WDR73: variants seen among roughly 807,000 people sequenced by gnomAD.
The protein encoded by WDR73 is integrator complex assembly factor WDR73.
In WDR73, 30 loss-of-function variants were observed where a neutral mutation model predicts 38.2. The observed-to-expected ratio is 0.79, with a 90% CI of 0.59 to 1.06. The LOEUF (loss-of-function observed/expected upper bound fraction) is 1.06, where lower values mean the gene tolerates loss of function less well. WDR73 is among the 50% of genes least tolerant of loss of function. WDR73 has a pLI of 0.00. For synonymous variants in WDR73, 197 were observed against 176.0 expected (o/e 1.12, Z -0.94); for missense variants, 487 against 467.0 (o/e 1.04, Z -0.40).
In WDR73 at chr15:84,643,301, T is replaced by C. The variant is rs1378983022; in HGVS notation, c.*169A>G. On this transcript the variant is annotated 3_prime_UTR_variant, in exon 8 of 8. Coordinates refer to ENST00000434634, the MANE Select transcript of WDR73 (RefSeq NM_032856.5). ...AATATCACTACGAGGTAGTTCTTAC[T>C]ATCCTCATTTTACAGATAAGGAAAC... The C allele has an allele frequency of 5.3e-6, 4 of 749,444 alleles. No homozygotes were observed. Among genetic ancestry groups the C allele is most frequent in the East Asian group, 2.7e-5 (1 of 37,032 alleles). The allele number at this position is 749,444 out of a possible 1,614,324, so 46.4% of individuals were successfully genotyped here. A position where few individuals can be genotyped will look rare whatever the true frequency, so the allele number is the denominator to read the frequency against.
At chr15:84,653,321 C>A in intron 2 of WDR73, 1 of 312,900 alleles carries the variant, frequency 3.2e-6, no homozygotes, top group Non-Finnish European at 6.3e-6. Flanking sequence ...AGGTGTGCAC[C>A]ACCTCGTCCG....
rs778513670 is a variant in WDR73, at chr15:84,652,707, A to G, written c.198+7T>C. On this transcript the variant is annotated splice_region_variant and intron_variant, in intron 3 of 7. Transcript: ENST00000434634. ...TTGACATACTCAGCATTTATATTTT[A>G]AGTTACCTTGTTTTCCTTTACAGAA... is the stretch of plus-strand genomic sequence containing the variant. 2 of 1,450,278 alleles carry G rather than the reference A, an allele frequency of 1.4e-6. No homozygotes were observed. Among genetic ancestry groups the G allele is most frequent in the Admixed American group, 5.1e-5 (2 of 39,496 alleles). The allele number at this position is 1,450,278 out of a possible 1,614,324, so 89.8% of individuals were successfully genotyped here.
At chr15:84,644,073 C>T (rs896402363) in intron 7 of WDR73, 4 of 228,726 alleles carry the variant, frequency 1.7e-5, no homozygotes, top group African/African-American at 7.0e-5. Flanking sequence ...ACCTGTTATG[C>T]GTGAGGCTCG....
At position 84,647,698 on chromosome 15, in the gene WDR73, T is replaced by C. The variant is rs930628823; in HGVS notation, c.352+192A>G. 1.5e-5 allele frequency: 9 copies of C among 605,692 alleles called. No homozygotes were observed. The Admixed American group carries it at 2.3e-4, about 15-fold the overall frequency. The allele number at this position is 605,692 out of a possible 1,614,324, so 37.5% of individuals were successfully genotyped here. On this transcript the variant is annotated intron_variant, in intron 5 of 7. Transcript: ENST00000434634. ...TTTTTAATAGAGACAGGTTTCACCATGTTGTACAAGGTGGTCTTCAACTCC... is the reference window on the plus strand; with the variant it reads ...TTTTTAATAGAGACAGGTTTCACCACGTTGTACAAGGTGGTCTTCAACTCC...
rs369654537 is a variant in WDR73, at chr15:84,645,714, T to C, written c.640A>G (p.Asn214Asp). The change falls in exon 7 of 8, where the codon AAT becomes GAT. Residue 214 changes from asparagine to aspartate, a missense_variant. Coordinates refer to ENST00000434634, the MANE Select transcript of WDR73 (RefSeq NM_032856.5). ...DTRQKWAPLENRSPGPGSGGE... is the reference protein window; with the variant it reads ...DTRQKWAPLEDRSPGPGSGGE... The stretch of plus-strand genomic sequence containing the variant: ...CCAGACCCAGGGCCAGGGCTGCGAT[T>C]CTCCAACGGTGCCCACTTCTGCCGG... The C allele has an allele frequency of 3.5e-5, 57 of 1,609,830 alleles. No individual in the cohort carries two copies. The highest frequency in any genetic ancestry group is 4.6e-5 in the Non-Finnish European group (54 of 1,178,272).
chr15:84,653,422 G>C (rs895292515), intron 2 of WDR73: 2 of 460,784 alleles, frequency 4.3e-6, no homozygotes, highest in East Asian at 8.1e-5. Context: ...CGCCTGCCTC[G>C]GCCTCCCAAA....
Position 84,645,636 on chromosome 15 carries a change from T to C in WDR73, c.718A>G (p.Ser240Gly), listed in dbSNP as rs773848421. The C allele has an allele frequency of 2.5e-6, 4 of 1,608,692 alleles. No individual in the cohort carries two copies. Among genetic ancestry groups the C allele is most frequent in the Non-Finnish European group, 3.4e-6 (4 of 1,177,754 alleles). Reference sequence around the variant, plus strand: ...CCATCTGAGCCAAGGCTGGCAATGCTGGGCCCAGGGCCCTGGCCCCAGCTC... The same window carrying C: ...CCATCTGAGCCAAGGCTGGCAATGCCGGGCCCAGGGCCCTGGCCCCAGCTC... ...VGSWGQGPGP[S>G]IASLGSDGRL... Residue 240 changes from serine (S) to glycine (G), a missense_variant, in exon 7 of 8, where the codon AGC becomes GGC. Ser to Gly is a moderately conservative substitution (Grantham distance 56, BLOSUM62 0). Coordinates refer to ENST00000434634, the MANE Select transcript of WDR73 (RefSeq NM_032856.5).
chr15:84,653,684 A>T lies in WDR73; in HGVS notation c.57T>A (p.Tyr19Ter). The T allele has an allele frequency of 1.3e-6, 2 of 1,593,026 alleles. No homozygotes were observed. The highest frequency in any genetic ancestry group is 1.7e-6 in the Non-Finnish European group (2 of 1,169,340). ...VESLRLYQDFYAFDLSGATRV... is the reference protein window; with the variant it reads ...VESLRLYQDF ...GAGTGGCTCCTGACAGGTCGAATGCATAGAAATCCTGGTACCTGCACAAAA... is the reference window on the plus strand; with the variant it reads ...GAGTGGCTCCTGACAGGTCGAATGCTTAGAAATCCTGGTACCTGCACAAAA... The change falls in exon 2 of 8, where the codon TAT becomes TAA. Residue 19 changes from tyrosine (Y) to a stop codon, truncating the protein, a stop_gained. Transcript: ENST00000434634. LOFTEE classifies it high-confidence loss of function.
At chr15:84,648,050 C>T in intron 4 of WDR73, 96 bp from the exon 5 acceptor site, 1 of 1,037,748 alleles carries the variant, frequency 9.6e-7, no homozygotes, top group Non-Finnish European at 1.5e-6. Context: ...ACTCCACTTC[C>T]CATATCAGGA....
intron 2 of WDR73, chr15:84,653,262 G>A (rs1270590199): frequency 4.3e-6 from 1 of 231,516 alleles, no homozygotes; most frequent in Admixed American, 5.2e-5. Flanking sequence ...CCACCTCCTG[G>A]GTTCAAGTGA....
At chr15:84,654,144 C>G in intron 1 of WDR73, 90 bp downstream of exon 1, 1 of 1,566,452 alleles carries the variant, frequency 6.4e-7, no homozygotes, top group South Asian at 1.1e-5. Flanking sequence ...CACTCTGCAC[C>G]AGGATCCCCA....
intron 5 of WDR73, 161 bp downstream of exon 5, chr15:84,647,704 ACAAGGTGGTCTTCAACTCCTGAATT>A (rs1896506093): frequency 1.6e-6 from 1 of 625,964 alleles, no homozygotes; most frequent in Non-Finnish European, 2.9e-6. Flanking sequence ...ACCATGTTGT[ACAAGGTGGTCTTCAACTCCTGAATT>A]CAAGTGATCC....
rs370664346 is a variant in WDR73 at position 84,648,539 on chromosome 15, G to C, written c.285C>G (p.Thr95=). Residue 95 remains threonine, a splice_region_variant and synonymous_variant, in exon 4 of 8, where the codon ACC becomes ACG. Transcript: ENST00000434634. ...CTGGATCACAAAATTGACCATACCT[G>C]GTATGTGGCACATGCTTTAGATCAA... ...SIFDLKHVPH[T]RLLVTSGLPG... The C allele has an allele frequency of 1.2e-6, 2 of 1,611,652 alleles. No homozygotes were observed. Among genetic ancestry groups the C allele is most frequent in the Non-Finnish European group, 1.7e-6 (2 of 1,177,872 alleles).
Position 84,643,530 on chromosome 15 carries a change from T to C in WDR73, c.1077A>G (p.Ser359=). The part of the protein sequence containing the change: ...WHPCRPRTLL[S]ATNDASLHVW... ...CATGCAGAGAGGCATCATTTGTTGCTGATAACAAAGTCCTTGGTCTGCAGG... is the reference window on the plus strand; with the variant it reads ...CATGCAGAGAGGCATCATTTGTTGCCGATAACAAAGTCCTTGGTCTGCAGG... The change falls in exon 8 of 8, where the codon TCA becomes TCG. Residue 359 remains serine, a synonymous_variant. Transcript: ENST00000434634. The C allele has an allele frequency of 6.3e-7, 1 of 1,599,794 alleles. No individual in the cohort carries two copies. The highest frequency in any genetic ancestry group is 8.5e-7 in the Non-Finnish European group (1 of 1,172,844).
intron 5 of WDR73, chr15:84,646,564 A>G (rs1226612268): frequency 1.4e-6 from 1 of 713,144 alleles, no homozygotes; most frequent in East Asian, 3.5e-5. Flanking sequence ...TGTCTTATAA[A>G]CTGTTTTTTG....
rs986251278 is a variant in WDR73 at position 84,641,288 on chromosome 15, TCCA to T, written c.*2179_*2181del. ...GTGGGAAATGAATGGGAGCTAGCATTCCACCAACAAAGTCAGCCCTGGGATTCT... is the reference window on the plus strand; with the variant it reads ...GTGGGAAATGAATGGGAGCTAGCATTCCAACAAAGTCAGCCCTGGGATTCT... On this transcript the variant is annotated 3_prime_UTR_variant, in exon 8 of 8. Coordinates refer to ENST00000434634, the MANE Select transcript of WDR73 (RefSeq NM_032856.5). The T allele has an allele frequency of 9.9e-5, 15 of 152,216 alleles. No individual in the cohort carries two copies. Among genetic ancestry groups the T allele is most frequent in the African/African-American group, 3.6e-4 (15 of 41,520 alleles). The allele number at this position is 152,216 out of a possible 1,614,324, so 9.4% of individuals were successfully genotyped here. A position where few individuals can be genotyped will look rare whatever the true frequency, so the allele number is the denominator to read the frequency against.
Position 84,645,807 on chromosome 15 carries a change from G to A in WDR73, c.547C>T (p.Leu183=), listed in dbSNP as rs1325127200. ...DVSDSEELSS[L]QVLDADTFAF... ...AAGGTGTCTGCATCTAGGACCTGCA[G>A]GCTACTCAGCTCCTCACTGTCACTG... Residue 183 remains leucine, a synonymous_variant, in exon 7 of 8, where the codon CTG becomes TTG. Coordinates refer to ENST00000434634, the MANE Select transcript of WDR73 (RefSeq NM_032856.5). 6.2e-7 allele frequency: 1 copy of A among 1,613,700 alleles called. No individual in the cohort carries two copies. Among genetic ancestry groups the A allele is most frequent in the Non-Finnish European group, 8.5e-7 (1 of 1,179,826 alleles).
intron 3 of WDR73, among the ~76,000 whole-genome samples, chr15:84,652,300 T>C (rs1896649554): frequency 6.6e-6 from 1 of 152,176 alleles, no homozygotes. Flanking sequence ...GGCTGTTCTT[T>C]CTTAGTATTC....
At chr15:84,643,950 A>T in intron 7 of WDR73, 1 of 448,406 alleles carries the variant, frequency 2.2e-6, no homozygotes, top group Non-Finnish European at 3.8e-6. Context: ...AAAACAGGCT[A>T]TTGGATGAGG....
Sources: gnomAD v4.1 joint callset for allele counts (sites outside exome capture counted in the v4.1 genomes callset) on GRCh38, gnomAD v4.1.1 for gene constraint, MANE v1.5 for transcripts, NCBI Gene and HGNC (gene_info 2026-07-23, HGNC 2026-07-21) for gene names.